SUGCT: variants seen among roughly 807,000 people sequenced by gnomAD.
The protein encoded by SUGCT is succinyl-CoA:glutarate CoA-transferase.
Under a neutral mutation model 55.0 loss-of-function variants are expected in SUGCT, and 41 were observed. That is an observed-to-expected ratio of 0.74 (90% confidence interval 0.58 to 0.97). SUGCT has a LOEUF of 0.97. SUGCT is among the 50% of genes least tolerant of loss of function. SUGCT has a pLI of 0.00. For missense variants in SUGCT, 568 were observed against 547.8 expected, an observed-to-expected ratio of 1.04 and a Z score of -0.37; for synonymous variants, 187 against 200.4, an observed-to-expected ratio of 0.93 and a Z score of 0.56.
At chr7:40,480,954 A>G (rs985859870) in intron 11 of SUGCT, among the ~76,000 whole-genome samples, 1 of 152,198 alleles carries the variant, frequency 6.6e-6, no homozygotes, top group Non-Finnish European at 1.5e-5. Flanking sequence ...TGCAATGAGC[A>G]TATACTTCAT....
the SUGCT span, among the ~76,000 whole-genome samples, chr7:41,033,920 A>T: frequency 1.3e-5 from 2 of 152,084 alleles, no homozygotes; most frequent in Non-Finnish European, 2.9e-5. Context: ...TAGGTGAGGG[A>T]TATGGAAAAG....
chr7:40,909,567 C>T, the SUGCT span, among the ~76,000 whole-genome samples: 5 of 152,114 alleles, frequency 3.3e-5, no homozygotes, highest in African/African-American at 9.7e-5. Flanking sequence ...GAGAGAACTA[C>T]GGGGGAGGCT....
intron 1 of SUGCT, among the ~76,000 whole-genome samples, chr7:40,149,581 G>A (rs115185816): frequency 0.013 from 2,012 of 152,190 alleles, 36 homozygotes; most frequent in African/African-American, 0.047. Context: ...CCAGGATTTC[G>A]AGACCAACCT....
the SUGCT span, among the ~76,000 whole-genome samples, chr7:40,890,439 C>T: frequency 5.6e-5 from 8 of 144,102 alleles, no homozygotes; most frequent in African/African-American, 2.0e-4. Context: ...CAGGCCGCTT[C>T]CCTGTCCCAT....
intron 2 of SUGCT, among the ~76,000 whole-genome samples, chr7:40,181,254 A>G (rs1785186545): frequency 6.6e-6 from 1 of 152,186 alleles, no homozygotes; most frequent in African/African-American, 2.4e-5. Context: ...TTTTACCCAT[A>G]TTTTAAACAC....
the SUGCT span, among the ~76,000 whole-genome samples, chr7:40,945,145 G>A: frequency 3.0e-4 from 45 of 152,128 alleles, no homozygotes; most frequent in Admixed American, 5.9e-4. Context: ...GCAATACCCA[G>A]TGGTGGGCAG....
chr7:40,840,772 TAAAA>T (rs928798835), intron 13 of SUGCT, among the ~76,000 whole-genome samples: 7 of 117,382 alleles, frequency 6.0e-5, no homozygotes, highest in Non-Finnish European at 1.3e-4. Context: ...AGCTGGTTCT[TAAAA>T]AAAAGTTAAT....
At chr7:40,342,463 T>C (rs1480744287) in intron 9 of SUGCT, among the ~76,000 whole-genome samples, 1 of 152,192 alleles carries the variant, frequency 6.6e-6, no homozygotes, top group African/African-American at 2.4e-5. Context: ...GTTCGTATGA[T>C]TAAATGTTGA....
At chr7:40,948,674 A>T in the SUGCT span, among the ~76,000 whole-genome samples, 1 of 147,880 alleles carries the variant, frequency 6.8e-6, no homozygotes, top group African/African-American at 2.5e-5. Flanking sequence ...CTCATTGTTC[A>T]ACTCCCACTT....
chr7:40,735,453 G>A (rs1448423941), intron 12 of SUGCT, among the ~76,000 whole-genome samples: 7 of 152,014 alleles, frequency 4.6e-5, no homozygotes, highest in Non-Finnish European at 2.9e-5. Flanking sequence ...ACAATATGGG[G>A]GACTATATGA....
At chr7:40,518,105 C>T (rs918928162) in intron 12 of SUGCT, among the ~76,000 whole-genome samples, 1 of 152,038 alleles carries the variant, frequency 6.6e-6, no homozygotes, top group Non-Finnish European at 1.5e-5. Flanking sequence ...TATCAAAATT[C>T]ACTCAAGCCT....
chr7:40,199,514 T>C (rs1227906587), intron 6 of SUGCT, among the ~76,000 whole-genome samples: 2 of 152,226 alleles, frequency 1.3e-5, no homozygotes, highest in East Asian at 3.8e-4. Context: ...ATTTGTGAAG[T>C]GACCACTCTA....
At chr7:40,140,051 C>A (rs148660314) in intron 1 of SUGCT, among the ~76,000 whole-genome samples, 1 of 151,968 alleles carries the variant, frequency 6.6e-6, no homozygotes, top group African/African-American at 2.4e-5. Flanking sequence ...TACAGGCATG[C>A]GCCACCATGC....
chr7:40,722,211 A>G (rs1024826988), intron 12 of SUGCT, among the ~76,000 whole-genome samples: 2 of 152,102 alleles, frequency 1.3e-5, no homozygotes, highest in African/African-American at 4.8e-5. Flanking sequence ...ATAACAACCA[A>G]TTGGGGAAAA....
At chr7:40,687,850 G>A (rs941556477) in intron 12 of SUGCT, among the ~76,000 whole-genome samples, 1 of 152,168 alleles carries the variant, frequency 6.6e-6, no homozygotes, top group African/African-American at 2.4e-5. Context: ...AGGCTTCCAG[G>A]TTCTATGAGT....
At chr7:40,764,857 C>T (rs1346807774) in intron 13 of SUGCT, among the ~76,000 whole-genome samples, 1 of 152,152 alleles carries the variant, frequency 6.6e-6, no homozygotes, top group Non-Finnish European at 1.5e-5. Context: ...GACTCACACA[C>T]AGTTCTTCCA....
In SUGCT at chr7:40,220,045, C is replaced by T. The variant is rs764785330; in HGVS notation, c.485-17590C>T. On this transcript the variant is annotated intron_variant, in intron 6 of 13. Transcript: ENST00000335693. Reference sequence around the variant, plus strand: ...ACTGTTTTGATTTGAGAATAGGAGACACATGATTTATCATTTAAGAATGTG... The same window carrying T: ...ACTGTTTTGATTTGAGAATAGGAGATACATGATTTATCATTTAAGAATGTG... 1.3e-5 allele frequency among the ~76,000 whole-genome samples: 2 copies of T among 152,134 alleles called. 1 individual carries two copies. The highest frequency in any genetic ancestry group is 2.9e-5 in the Non-Finnish European group (2 of 68,038).
chr7:40,948,340 C>A, the SUGCT span, among the ~76,000 whole-genome samples: 1 of 152,174 alleles, frequency 6.6e-6, no homozygotes, highest in Non-Finnish European at 1.5e-5. Flanking sequence ...AAGTAACTTT[C>A]TGCATCATTC....
chr7:40,451,821 C>G (rs117877006), intron 10 of SUGCT, among the ~76,000 whole-genome samples: 1 of 152,166 alleles, frequency 6.6e-6, no homozygotes, highest in Admixed American at 6.6e-5. Flanking sequence ...TTATGTGTAG[C>G]GTGTGGATGT....
Sources: allele counts gnomAD v4.1 joint callset (sites outside exome capture counted in the v4.1 genomes callset), GRCh38; gene constraint gnomAD v4.1.1; transcripts MANE v1.5; gene names NCBI Gene and HGNC (gene_info 2026-07-23, HGNC 2026-07-21).